Variants in MBNL1 observed in about 807,000 individuals in gnomAD.
The protein encoded by MBNL1 is muscleblind like splicing regulator 1.
A neutral mutation model predicts 42.2 loss-of-function variants in MBNL1; 8 were observed. That is an observed-to-expected ratio of 0.19 (90% CI 0.11 to 0.34). The LOEUF is 0.34. MBNL1 is among the 10% of genes least tolerant of loss of function. The pLI is 1.00. For missense variants in MBNL1, 309 were observed against 495.3 expected (o/e 0.62, Z 3.57); for synonymous variants, 169 against 173.9 (o/e 0.97, Z 0.22).
chr3:152,357,494 T>C (rs2095614486), intron 2 of MBNL1, among the ~76,000 whole-genome samples: 1 of 152,076 alleles, frequency 6.6e-6, no homozygotes, highest in South Asian at 2.1e-4. Flanking sequence ...AACCCTGAGA[T>C]GGAGTGTTAT....
intron 1 of MBNL1, among the ~76,000 whole-genome samples, chr3:152,298,162 A>T (rs2059427947): frequency 1.3e-5 from 2 of 152,194 alleles, no homozygotes; most frequent in African/African-American, 4.8e-5. Context: ...CCATATGCCA[A>T]TAGAGCAATT....
At chr3:152,352,629 T>C (rs917627266) in intron 2 of MBNL1, among the ~76,000 whole-genome samples, 1 of 152,068 alleles carries the variant, frequency 6.6e-6, no homozygotes, top group Non-Finnish European at 1.5e-5. Flanking sequence ...AACTTACGAC[T>C]CATCCTTTTA....
chr3:152,328,074 G>A (rs2081591937), intron 2 of MBNL1, among the ~76,000 whole-genome samples: 1 of 152,068 alleles, frequency 6.6e-6, no homozygotes, highest in Non-Finnish European at 1.5e-5. Context: ...GCCAACATTT[G>A]AATTTAATTT....
intron 9 of MBNL1, among the ~76,000 whole-genome samples, chr3:152,461,166 T>C (rs1745100952): frequency 6.6e-6 from 1 of 152,190 alleles, no homozygotes; most frequent in African/African-American, 2.4e-5. Context: ...GTAGCAAAGC[T>C]GGACAAAGTC....
chr3:152,326,891 C>T (rs5026855), intron 2 of MBNL1, among the ~76,000 whole-genome samples: 1 of 151,688 alleles, frequency 6.6e-6, no homozygotes, highest in Non-Finnish European at 1.5e-5. Flanking sequence ...CAACGTCTGC[C>T]TCCTGGGTTC....
intron 1 of MBNL1, among the ~76,000 whole-genome samples, chr3:152,285,634 T>TC (rs1191210334): frequency 4.7e-5 from 7 of 150,064 alleles, no homozygotes; most frequent in Non-Finnish European, 3.0e-5. Flanking sequence ...TTTCAATTTT[T>TC]TTTTTTTTTT....
At chr3:152,288,007 A>G (rs2053585103) in intron 1 of MBNL1, among the ~76,000 whole-genome samples, 1 of 152,198 alleles carries the variant, frequency 6.6e-6, no homozygotes, top group African/African-American at 2.4e-5. Flanking sequence ...TGAAAGTACA[A>G]ATTTGTAATA....
intron 2 of MBNL1, among the ~76,000 whole-genome samples, chr3:152,386,545 G>T (rs898747266): frequency 6.6e-6 from 1 of 152,024 alleles, no homozygotes; most frequent in Non-Finnish European, 1.5e-5. Flanking sequence ...TTACTGTTTG[G>T]CATGAAAGAT....
chr3:152,419,773 C>T (rs1484505216), intron 3 of MBNL1, among the ~76,000 whole-genome samples: 1 of 152,078 alleles, frequency 6.6e-6, no homozygotes, highest in Non-Finnish European at 1.5e-5. Context: ...ACCGTTCACT[C>T]CCCTGGAAAG....
chr3:152,375,810 A>G (rs1176206014), intron 2 of MBNL1, among the ~76,000 whole-genome samples: 7 of 150,940 alleles, frequency 4.6e-5, no homozygotes, highest in Non-Finnish European at 1.0e-4. Flanking sequence ...TGGAGCCAAG[A>G]CCTTGTCTCA....
At chr3:152,455,350 A>C (rs569142458) in intron 6 of MBNL1, among the ~76,000 whole-genome samples, 192 bp from the exon 7 acceptor site, 38 of 152,226 alleles carry the variant, frequency 2.5e-4, no homozygotes, top group Non-Finnish European at 2.8e-4. Context: ...TTTATTCTTC[A>C]CTTGAGACTA....
At chr3:152,338,356 G>T (rs929340578) in intron 2 of MBNL1, 135 of 985,230 alleles carry the variant, frequency 1.4e-4, no homozygotes, top group Non-Finnish European at 1.5e-4. Context: ...AGAACCTTGG[G>T]TTCTGTGATG....
Position 152,300,207 on chromosome 3 carries a change from T to A in MBNL1, c.14T>A (p.Val5Asp). ...TAAAATCTAAACATGGCTGTTAGTG[T>A]CACACCAATTCGGGACACAAAATGG... MAVS[V>D]TPIRDTKWLT... The change falls in exon 2 of 10, where the codon GTC (valine) becomes GAC (aspartate). Residue 5 changes from valine (V) to aspartate (D), a missense_variant. Transcript: ENST00000324210. 1 of 1,603,568 alleles carries A rather than the reference T, an allele frequency of 6.2e-7. No individual in the cohort carries two copies. The highest frequency in any genetic ancestry group is 1.1e-5 in the South Asian group (1 of 89,738).
chr3:152,293,408 G>A (rs542309670), intron 1 of MBNL1, among the ~76,000 whole-genome samples: 2 of 152,182 alleles, frequency 1.3e-5, no homozygotes, highest in African/African-American at 4.8e-5. Context: ...TAAGTTGGTT[G>A]GTTGTATATG....
intron 2 of MBNL1, among the ~76,000 whole-genome samples, chr3:152,310,013 A>G (rs1447937086): frequency 6.6e-6 from 1 of 152,234 alleles, no homozygotes; most frequent in African/African-American, 2.4e-5. Context: ...GTAACACACA[A>G]GTAAGCATTA....
In MBNL1 at chr3:152,453,683, GT is replaced by G. The variant is rs555720994; in HGVS notation, c.962-1856del. Among the ~76,000 whole-genome samples the G allele has an allele frequency of 2.6e-3, 403 of 152,218 alleles. 1 individual carries two copies. The highest frequency in any genetic ancestry group is 9.3e-3 in the African/African-American group (385 of 41,524). ...GCTAGTATTTTCATTGCTGCCTTAT[GT>G]TTATTTGCTGCAAATCCCTCTCAAA... On this transcript the variant is annotated intron_variant, in intron 6 of 9. Coordinates refer to ENST00000324210, the MANE Select transcript of MBNL1 (RefSeq NM_021038.5).
chr3:152,393,558 G>C (rs781122093), intron 2 of MBNL1, among the ~76,000 whole-genome samples: 1 of 152,166 alleles, frequency 6.6e-6, no homozygotes, highest in African/African-American at 2.4e-5. Flanking sequence ...AGGGAATATC[G>C]TTTGACTATT....
In MBNL1 at chr3:152,282,352, G is replaced by T. The variant is rs369897950; in HGVS notation, c.-790+13260G>T. ...CAAGAATTCTTAGGGACATGTGTGTGTGTGTGTATTCAGATTAAAGATTCC... is the reference window on the plus strand; with the variant it reads ...CAAGAATTCTTAGGGACATGTGTGTTTGTGTGTATTCAGATTAAAGATTCC... On this transcript the variant is annotated intron_variant, in intron 1 of 9. Transcript: ENST00000324210. Among the ~76,000 whole-genome samples the T allele has an allele frequency of 1.9e-3, 289 of 152,204 alleles. 2 individuals carry two copies. The highest frequency in any genetic ancestry group is 0.017 in the Middle Eastern group (5 of 294).
At chr3:152,314,489 C>T (rs1287090682) in intron 2 of MBNL1, among the ~76,000 whole-genome samples, 1 of 152,018 alleles carries the variant, frequency 6.6e-6, no homozygotes, top group Non-Finnish European at 1.5e-5. Flanking sequence ...GATTCTCCTG[C>T]CTCAGCCTCC....
Sources: gnomAD v4.1 joint callset for allele counts (sites outside exome capture counted in the v4.1 genomes callset) on GRCh38, gnomAD v4.1.1 for gene constraint, MANE v1.5 for transcripts, NCBI Gene and HGNC (gene_info 2026-07-23, HGNC 2026-07-21) for gene names.